ANKS1B: variants seen among roughly 807,000 people sequenced by gnomAD.
The protein encoded by ANKS1B is ankyrin repeat and sterile alpha motif domain-containing protein 1B.
In ANKS1B, 36 loss-of-function variants were observed where a neutral mutation model predicts 148.3. The ratio of observed to expected loss-of-function variants is 0.24; its 90% CI spans 0.19 to 0.32. The LOEUF (loss-of-function observed/expected upper bound fraction) is 0.32. ANKS1B is among the 10% of genes least tolerant of loss of function. The probability of loss-of-function intolerance (pLI) is 1.00; values close to 1 mark genes in which losing one functional copy is unlikely to be tolerated. For missense variants in ANKS1B, 1,157 were observed against 1,542.6 expected, an observed-to-expected ratio of 0.75 and a Z score of 4.19; for synonymous variants, 542 against 560.8, an observed-to-expected ratio of 0.97 and a Z score of 0.47.
intron 12 of ANKS1B, among the ~76,000 whole-genome samples, chr12:99,380,944 A>G: frequency 6.6e-6 from 1 of 152,196 alleles, no homozygotes; most frequent in Non-Finnish European, 1.5e-5. Flanking sequence ...CCAATTAACA[A>G]AGGTGGGCCC....
chr12:98,798,459 G>A (rs891794860), intron 22 of ANKS1B, among the ~76,000 whole-genome samples: 11 of 150,678 alleles, frequency 7.3e-5, no homozygotes, highest in Non-Finnish European at 1.2e-4. Flanking sequence ...CCCTTAAATA[G>A]TTCATTCCAC....
chr12:99,547,723 A>G (rs952908897), intron 9 of ANKS1B, among the ~76,000 whole-genome samples: 1 of 152,204 alleles, frequency 6.6e-6, no homozygotes, highest in African/African-American at 2.4e-5. Context: ...TGAACCGAGC[A>G]TTATTCAGGA....
At chr12:99,361,107 A>G (rs1339360774) in intron 12 of ANKS1B, among the ~76,000 whole-genome samples, 2 of 152,246 alleles carry the variant, frequency 1.3e-5, no homozygotes, top group Admixed American at 6.5e-5. Context: ...GCATTTAAAA[A>G]TAACTAAAAG....
intron 2 of ANKS1B, among the ~76,000 whole-genome samples, chr12:99,813,246 A>C (rs931200232): frequency 5.3e-5 from 8 of 151,834 alleles, no homozygotes; most frequent in African/African-American, 1.9e-4. Context: ...AATAATTATT[A>C]GCATAAATTA....
At chr12:98,807,760 C>T (rs1594314209) in intron 20 of ANKS1B, 84 bp downstream of exon 20, 4 of 1,164,252 alleles carry the variant, frequency 3.4e-6, no homozygotes, top group South Asian at 1.5e-5. Flanking sequence ...TGCCAGGACA[C>T]AGTACCTATA....
chr12:99,895,830 T>C (rs575647174), intron 1 of ANKS1B, among the ~76,000 whole-genome samples: 51 of 151,336 alleles, frequency 3.4e-4, no homozygotes, highest in African/African-American at 1.2e-3. Flanking sequence ...GATTGATGAA[T>C]AGAAAAGAAA....
rs905324980 is a variant in ANKS1B at position 99,843,582 on chromosome 12, T to C, written c.135-18193A>G. Among the ~76,000 whole-genome samples the C allele has an allele frequency of 4.6e-4, 70 of 152,256 alleles. 1 individual carries two copies. The highest frequency in any genetic ancestry group is 4.9e-4 in the Non-Finnish European group (33 of 67,994). ...TCCATCCATGTCCCTGCAAAGGACA[T>C]GATTTTTTTCCTTTTTATGGCTGCA... On this transcript the variant is annotated intron_variant, in intron 1 of 26. Transcript: ENST00000683438.
chr12:99,322,744 T>A (rs1316943161), intron 12 of ANKS1B, among the ~76,000 whole-genome samples: 1 of 152,160 alleles, frequency 6.6e-6, no homozygotes, highest in Non-Finnish European at 1.5e-5. Flanking sequence ...TGTGTCCCCA[T>A]CCAAATCTCA....
At chr12:99,642,871 G>A (rs536513905) in intron 9 of ANKS1B, among the ~76,000 whole-genome samples, 19 of 152,288 alleles carry the variant, frequency 1.2e-4, no homozygotes, top group African/African-American at 4.6e-4. Context: ...GGGGCCACCT[G>A]TATTCCTTGG....
chr12:98,911,159 T>C (rs924665573), intron 17 of ANKS1B, among the ~76,000 whole-genome samples: 6 of 152,194 alleles, frequency 3.9e-5, no homozygotes, highest in African/African-American at 1.4e-4. Context: ...GACAAGATCC[T>C]AACCAAAGTT....
chr12:99,617,900 T>C (rs945065375), intron 9 of ANKS1B, among the ~76,000 whole-genome samples: 7 of 152,178 alleles, frequency 4.6e-5, no homozygotes, highest in Middle Eastern at 3.2e-3. Flanking sequence ...TGATTTTTAA[T>C]GTAAATTAAA....
At chr12:99,930,084 G>T (rs9705896) in intron 1 of ANKS1B, among the ~76,000 whole-genome samples, 91,235 of 150,704 alleles carry the variant, frequency 0.61, 28,847 homozygotes, top group African/African-American at 0.7. Flanking sequence ...TAAATTACCT[G>T]GGGCCGTATG....
At chr12:99,891,433 T>C (rs1204700808) in intron 1 of ANKS1B, among the ~76,000 whole-genome samples, 1 of 152,198 alleles carries the variant, frequency 6.6e-6, no homozygotes, top group Non-Finnish European at 1.5e-5. Context: ...TTGCCCAGGC[T>C]GGTCTTGAAC....
At position 98,744,819 on chromosome 12, in the gene ANKS1B, T is replaced by G. The variant is rs1472947013; in HGVS notation, c.*920A>C. On this transcript the variant is annotated 3_prime_UTR_variant, in exon 27 of 27. Transcript: ENST00000683438. ...GATTTTTTTTTTTTTAACATGTTCT[T>G]TAAAACACTGTGAAGATTAAAAAAC... 2.0e-6 allele frequency: 2 copies of G among 985,348 alleles called. No individual in the cohort carries two copies. Among genetic ancestry groups the G allele is most frequent in the Non-Finnish European group, 2.4e-6 (2 of 829,876 alleles). The allele number at this position is 985,348 out of a possible 1,614,324, so 61.0% of individuals were successfully genotyped here. A position where few individuals can be genotyped will look rare whatever the true frequency, so the allele number is the denominator to read the frequency against.
At chr12:99,018,283 G>T (rs1598509451) in intron 17 of ANKS1B, among the ~76,000 whole-genome samples, 2 of 152,154 alleles carry the variant, frequency 1.3e-5, no homozygotes, top group Admixed American at 6.5e-5. Flanking sequence ...GAGCTTGTTT[G>T]CCCCTTCTGT....
At chr12:99,125,367 C>A (rs540512889) in intron 15 of ANKS1B, among the ~76,000 whole-genome samples, 204 of 152,234 alleles carry the variant, frequency 1.3e-3, no homozygotes, top group African/African-American at 4.3e-3. Flanking sequence ...GGAGAATAAG[C>A]ATTTTCTCTA....
In ANKS1B at chr12:98,982,232, A is replaced by G. The variant is rs1346995488; in HGVS notation, c.2778+70925T>C. Among the ~76,000 whole-genome samples, 6 of 152,322 alleles carry G rather than the reference A, an allele frequency of 3.9e-5. No individual in the cohort carries two copies. The East Asian group carries it at 1.2e-3, about 29-fold the overall frequency. On this transcript the variant is annotated intron_variant, in intron 17 of 26. Transcript: ENST00000683438. ...CTTCTGAAACTTTAATGTGCAAACA[A>G]ATCACCTGAGATCTTGTTAAGATGC...
At chr12:99,040,927 C>T (rs1035411580) in intron 17 of ANKS1B, among the ~76,000 whole-genome samples, 8 of 152,240 alleles carry the variant, frequency 5.3e-5, no homozygotes, top group Middle Eastern at 3.4e-3. Context: ...AGTCTAGCTC[C>T]GAGTCCCCAG....
At chr12:98,989,620 C>T (rs1366029020) in intron 17 of ANKS1B, among the ~76,000 whole-genome samples, 1 of 152,004 alleles carries the variant, frequency 6.6e-6, no homozygotes, top group African/African-American at 2.4e-5. Flanking sequence ...GATTTCATAT[C>T]AATTTTAGGA....
Sources: gnomAD v4.1 joint callset for allele counts (sites outside exome capture counted in the v4.1 genomes callset) on GRCh38, gnomAD v4.1.1 for gene constraint, MANE v1.5 for transcripts, NCBI Gene and HGNC (gene_info 2026-07-23, HGNC 2026-07-21) for gene names.